NRG3: variants seen among roughly 807,000 people sequenced by gnomAD.
NRG3 encodes pro-neuregulin-3, membrane-bound isoform.
Under a neutral mutation model 66.9 loss-of-function variants are expected in NRG3, and 31 were observed. The ratio of observed to expected loss-of-function variants is 0.46; its 90% CI spans 0.35 to 0.63. The LOEUF (loss-of-function observed/expected upper bound fraction) is 0.63, where lower values mean the gene tolerates loss of function less well. NRG3 is among the 20% of genes least tolerant of loss of function. The pLI, the probability that NRG3 is intolerant of heterozygous loss-of-function variation, is 0.00. For synonymous variants in NRG3, 393 were observed against 359.4 expected, an observed-to-expected ratio of 1.09 and a Z score of -1.06; for missense variants, 910 against 878.9, an observed-to-expected ratio of 1.04 and a Z score of -0.45.
At chr10:82,789,958 A>T (rs926653631) in intron 3 of NRG3, among the ~76,000 whole-genome samples, 1 of 151,984 alleles carries the variant, frequency 6.6e-6, no homozygotes, top group African/African-American at 2.4e-5. Flanking sequence ...ATTGATAACA[A>T]CTTAGTTTCA....
At chr10:82,607,352 A>T (rs959500426) in intron 2 of NRG3, among the ~76,000 whole-genome samples, 6 of 128,652 alleles carry the variant, frequency 4.7e-5, no homozygotes, top group Admixed American at 4.5e-4. Flanking sequence ...TTTATCACTG[A>T]TAATTCTCTT....
At chr10:82,388,927 C>T (rs1363420130) in intron 2 of NRG3, among the ~76,000 whole-genome samples, 1 of 152,096 alleles carries the variant, frequency 6.6e-6, no homozygotes, top group Non-Finnish European at 1.5e-5. Flanking sequence ...GTCAGTGGGC[C>T]TTGGAAAGGA....
chr10:82,456,425 C>G (rs1179308760), intron 2 of NRG3, among the ~76,000 whole-genome samples: 1 of 151,962 alleles, frequency 6.6e-6, no homozygotes, highest in African/African-American at 2.4e-5. Context: ...TCTTGGCATC[C>G]CAAATTGCTG....
chr10:82,749,429 G>T (rs773305248), intron 3 of NRG3, among the ~76,000 whole-genome samples: 15 of 151,998 alleles, frequency 9.9e-5, no homozygotes, highest in Non-Finnish European at 1.8e-4. Flanking sequence ...TTCACCACTC[G>T]CCCTACCCTC....
chr10:82,669,276 TAA>T (rs1391472441), intron 2 of NRG3, among the ~76,000 whole-genome samples: 1 of 149,068 alleles, frequency 6.7e-6, no homozygotes, highest in African/African-American at 2.4e-5. Flanking sequence ...ATAATAATAA[TAA>T]TAATAATAAT....
chr10:82,303,724 C>T (rs111322121), intron 1 of NRG3, among the ~76,000 whole-genome samples: 3,488 of 151,818 alleles, frequency 0.023, 65 homozygotes, highest in Non-Finnish European at 0.037. Flanking sequence ...AAAAATTAGC[C>T]GGGCGTGGTG....
At chr10:82,582,981 A>G (rs771092102) in intron 2 of NRG3, among the ~76,000 whole-genome samples, 6 of 152,190 alleles carry the variant, frequency 3.9e-5, no homozygotes, top group Non-Finnish European at 8.8e-5. Context: ...AATCTAGCAC[A>G]GCAGACTGAG....
intron 2 of NRG3, among the ~76,000 whole-genome samples, chr10:82,559,201 T>A (rs1328634213): frequency 1.3e-5 from 2 of 152,146 alleles, no homozygotes; most frequent in African/African-American, 2.4e-5. Context: ...GTTGATTTCT[T>A]GGAGCATAGA....
At chr10:82,814,513 G>A (rs2061623790) in intron 3 of NRG3, among the ~76,000 whole-genome samples, 1 of 152,148 alleles carries the variant, frequency 6.6e-6, no homozygotes, top group South Asian at 2.1e-4. Context: ...TTTATGATAT[G>A]GGAAATTTCT....
At chr10:82,889,955 A>G (rs1843004826) in intron 4 of NRG3, among the ~76,000 whole-genome samples, 1 of 152,184 alleles carries the variant, frequency 6.6e-6, no homozygotes, top group South Asian at 2.1e-4. Flanking sequence ...GTTTTGACAA[A>G]GATAGCTCGT....
At chr10:82,459,408 T>A (rs2091415433) in intron 2 of NRG3, among the ~76,000 whole-genome samples, 2 of 152,216 alleles carry the variant, frequency 1.3e-5, no homozygotes, top group Admixed American at 1.3e-4. Context: ...AGTGCAAGTA[T>A]ATGTATTCAT....
At chr10:82,866,221 T>C (rs559213) in intron 4 of NRG3, among the ~76,000 whole-genome samples, 111,821 of 151,718 alleles carry the variant, frequency 0.74, 41,724 homozygotes, top group African/African-American at 0.86. Flanking sequence ...CATCTGCTTC[T>C]TTGGATTCTA....
intron 4 of NRG3, among the ~76,000 whole-genome samples, chr10:82,950,727 T>C (rs73313217): frequency 0.09 from 13,678 of 152,280 alleles, 810 homozygotes; most frequent in African/African-American, 0.15. Flanking sequence ...TGCTGGGTTC[T>C]ACGGATACAA....
chr10:82,485,587 C>T (rs919125714), intron 2 of NRG3, among the ~76,000 whole-genome samples: 1 of 151,302 alleles, frequency 6.6e-6, no homozygotes, highest in Admixed American at 6.6e-5. Context: ...AGATATTTTG[C>T]AACTGGCAAA....
chr10:82,689,822 C>T (rs796669028), intron 2 of NRG3, among the ~76,000 whole-genome samples: 13 of 152,264 alleles, frequency 8.5e-5, no homozygotes, highest in African/African-American at 2.9e-4. Context: ...TGGTTGAGCA[C>T]TAAACATCTT....
rs560141909 is a variant in NRG3, at chr10:82,201,070, G to A, written c.824-157669G>A. Among the ~76,000 whole-genome samples, 6 of 151,906 alleles carry A rather than the reference G, an allele frequency of 3.9e-5. No homozygotes were observed. The East Asian group carries it at 7.8e-4, about 20-fold the overall frequency. ...AAATTAGCCAGGTGTGGTGACAGGC[G>A]CCTGTTCTTCCAGCTACTTGGGAGG... On this transcript the variant is annotated intron_variant, in intron 1 of 8. Coordinates refer to ENST00000372141, the MANE Select transcript of NRG3 (RefSeq NM_001010848.4).
rs141549899 is a variant in NRG3, at chr10:82,288,811, C to G, written c.824-69928C>G. 1.4e-4 allele frequency among the ~76,000 whole-genome samples: 22 copies of G among 152,318 alleles called. 1 individual carries two copies. Among genetic ancestry groups the G allele is most frequent in the South Asian group, 1.2e-3 (6 of 4,822 alleles). On this transcript the variant is annotated intron_variant, in intron 1 of 8. Transcript: ENST00000372141. ...CATCGGAGCATGCTGACTTATCTGC[C>G]TACACACTGTGTTGTGAAACACACG...
rs78481375 is a variant in NRG3 at position 81,947,921 on chromosome 10, A to C, written c.823+71758A>C. On this transcript the variant is annotated intron_variant, in intron 1 of 8. Transcript: ENST00000372141. ...TTGTGTTGGATTGATAATATTAAGA[A>C]GTTTACTTAACTTCTCCCTCTGAGT... Among the ~76,000 whole-genome samples the C allele has an allele frequency of 5.8e-4, 89 of 152,220 alleles. 2 individuals carry two copies. In the East Asian group the frequency reaches 0.013, roughly 23 times the overall value.
At chr10:82,640,515 T>C (rs578054502) in intron 2 of NRG3, among the ~76,000 whole-genome samples, 1 of 152,172 alleles carries the variant, frequency 6.6e-6, no homozygotes, top group African/African-American at 2.4e-5. Context: ...GTTTTCTCCA[T>C]GGACTGGACA....
Sources: allele counts gnomAD v4.1 joint callset (sites outside exome capture counted in the v4.1 genomes callset), GRCh38; gene constraint gnomAD v4.1.1; transcripts MANE v1.5; gene names NCBI Gene and HGNC (gene_info 2026-07-23, HGNC 2026-07-21).